The following CDKAL1 variants were observed in gnomAD, a reference collection of about 807,000 sequenced individuals.
The protein encoded by CDKAL1 is threonylcarbamoyladenosine tRNA methylthiotransferase.
CDKAL1 carries 32 observed loss-of-function variants against 68.2 expected under a neutral mutation model. That is an observed-to-expected ratio of 0.47 (90% CI 0.35 to 0.63). CDKAL1 has a LOEUF of 0.63. Among genes scored for constraint, CDKAL1 ranks in the 30% least tolerant of loss-of-function variants. The pLI is 0.00. For synonymous variants in CDKAL1, 234 were observed against 244.3 expected (o/e 0.96, Z 0.39); for missense variants, 606 against 696.7 (o/e 0.87, Z 1.47).
intron 10 of CDKAL1, among the ~76,000 whole-genome samples, chr6:20,982,685 C>G (rs1766218648): frequency 6.6e-6 from 1 of 150,906 alleles, no homozygotes; most frequent in Non-Finnish European, 1.5e-5. Context: ...TATCAAATGA[C>G]TTCTTCTGTT....
intron 4 of CDKAL1, among the ~76,000 whole-genome samples, chr6:20,609,566 T>C (rs555058507): frequency 6.6e-6 from 1 of 151,886 alleles, no homozygotes; most frequent in African/African-American, 2.4e-5. Context: ...CAGCTAATTT[T>C]TGTATTTTTA....
chr6:21,044,462 T>G (rs1451314500), intron 11 of CDKAL1, among the ~76,000 whole-genome samples: 1 of 152,190 alleles, frequency 6.6e-6, no homozygotes, highest in Non-Finnish European at 1.5e-5. Context: ...TTTATACACT[T>G]GCTTCTTACA....
chr6:21,168,882 CTCT>C (rs1170389014), intron 13 of CDKAL1, among the ~76,000 whole-genome samples: 1 of 152,140 alleles, frequency 6.6e-6, no homozygotes, highest in Non-Finnish European at 1.5e-5. Context: ...TTCTCCTCTC[CTCT>C]TCTTTATAAA....
chr6:20,534,763 C>CG (rs1763102865), intron 1 of CDKAL1, among the ~76,000 whole-genome samples, 189 bp downstream of exon 1: 2 of 152,104 alleles, frequency 1.3e-5, no homozygotes, highest in African/African-American at 4.8e-5. Flanking sequence ...AGGATAGGGT[C>CG]GTTGGCCTCA....
intron 5 of CDKAL1, among the ~76,000 whole-genome samples, chr6:20,659,680 T>C (rs1015179891): frequency 3.9e-5 from 6 of 152,192 alleles, no homozygotes; most frequent in African/African-American, 1.4e-4. Context: ...GCCTTGTATA[T>C]CCCACTGCTT....
intron 12 of CDKAL1, among the ~76,000 whole-genome samples, chr6:21,092,439 C>G (rs1280512129): frequency 6.6e-6 from 1 of 151,820 alleles, no homozygotes; most frequent in Non-Finnish European, 1.5e-5. Context: ...CTCGACAGGC[C>G]CTGGTGTGTG....
chr6:20,548,168 A>C (rs559105944), intron 3 of CDKAL1, among the ~76,000 whole-genome samples: 1 of 152,256 alleles, frequency 6.6e-6, no homozygotes, highest in African/African-American at 2.4e-5. Context: ...ATAGCTTTTG[A>C]ATGGATTGTA....
intron 15 of CDKAL1, among the ~76,000 whole-genome samples, chr6:21,228,838 A>G (rs897153037): frequency 1.7e-4 from 26 of 152,190 alleles, no homozygotes; most frequent in Non-Finnish European, 3.5e-4. Context: ...GCTATTTTAA[A>G]TAGAAATGGA....
At chr6:21,068,598 T>G (rs1191921874) in intron 12 of CDKAL1, among the ~76,000 whole-genome samples, 1 of 152,200 alleles carries the variant, frequency 6.6e-6, no homozygotes. Flanking sequence ...TGTTTGTCAG[T>G]CTTTCCACCC....
At chr6:21,054,384 T>A in intron 11 of CDKAL1, among the ~76,000 whole-genome samples, 1 of 150,846 alleles carries the variant, frequency 6.6e-6, no homozygotes, top group Non-Finnish European at 1.5e-5. Flanking sequence ...TAAAACAGGT[T>A]CATTTATTCC....
chr6:21,209,441 A>C (rs1180139650), intron 15 of CDKAL1, among the ~76,000 whole-genome samples: 1 of 152,224 alleles, frequency 6.6e-6, no homozygotes, highest in Non-Finnish European at 1.5e-5. Context: ...TTCAATGTTT[A>C]TTATCCAGGA....
chr6:21,031,475 T>A (rs970164009), intron 11 of CDKAL1, among the ~76,000 whole-genome samples: 3 of 151,798 alleles, frequency 2.0e-5, no homozygotes, highest in Admixed American at 2.0e-4. Flanking sequence ...AACACCTACA[T>A]TCGGGTTTGG....
chr6:20,719,424 G>A (rs1341613600), intron 5 of CDKAL1, among the ~76,000 whole-genome samples: 1 of 152,090 alleles, frequency 6.6e-6, no homozygotes, highest in Non-Finnish European at 1.5e-5. Context: ...CTACTAATAC[G>A]AGTGTACATA....
chr6:20,633,793 T>G (rs1414430689), intron 4 of CDKAL1, among the ~76,000 whole-genome samples: 1 of 152,222 alleles, frequency 6.6e-6, no homozygotes, highest in Non-Finnish European at 1.5e-5. Flanking sequence ...TGAGCCTCTT[T>G]TCATGTGATT....
chr6:21,000,193 A>C (rs998168801), intron 10 of CDKAL1, 34 bp from the exon 11 acceptor site: 1 of 1,578,288 alleles, frequency 6.3e-7, no homozygotes, highest in East Asian at 2.2e-5. Flanking sequence ...AATTTGTTAA[A>C]ATGATTAGTG....
chr6:20,875,267 C>T (rs1365835945), intron 9 of CDKAL1, among the ~76,000 whole-genome samples: 1 of 138,252 alleles, frequency 7.2e-6, no homozygotes, highest in Non-Finnish European at 1.5e-5. Context: ...CCACTGCAGT[C>T]CGCAGTCCGG....
At chr6:20,703,318 A>G (rs1336828496) in intron 5 of CDKAL1, among the ~76,000 whole-genome samples, 3 of 152,200 alleles carry the variant, frequency 2.0e-5, no homozygotes, top group Admixed American at 2.0e-4. Context: ...TGCATTCACA[A>G]TATTAGTGTA....
chr6:20,727,946 C>T (rs1189243812), intron 5 of CDKAL1, among the ~76,000 whole-genome samples: 3 of 152,070 alleles, frequency 2.0e-5, no homozygotes, highest in African/African-American at 7.2e-5. Context: ...AATTTCAAGG[C>T]AGTTTTATAG....
At chr6:20,683,463 A>G (rs1554178925) in intron 5 of CDKAL1, among the ~76,000 whole-genome samples, 1 of 152,234 alleles carries the variant, frequency 6.6e-6, no homozygotes, top group Non-Finnish European at 1.5e-5. Flanking sequence ...TCATTAGCAG[A>G]AAATTACTTA....
Sources: allele counts gnomAD v4.1 joint callset (sites outside exome capture counted in the v4.1 genomes callset), GRCh38; gene constraint gnomAD v4.1.1; transcripts MANE v1.5; gene names NCBI Gene and HGNC (gene_info 2026-07-23, HGNC 2026-07-21).